PTPRT: variants seen among roughly 807,000 people sequenced by gnomAD.
PTPRT encodes protein tyrosine phosphatase receptor type T.
In PTPRT, 56 loss-of-function variants were observed where a neutral mutation model predicts 176.8. That is an observed-to-expected ratio of 0.32 (90% CI 0.26 to 0.40). The LOEUF (loss-of-function observed/expected upper bound fraction) is 0.40, where lower values mean the gene tolerates loss of function less well. PTPRT is among the 10% of genes least tolerant of loss of function. PTPRT has a pLI of 1.00. For synonymous variants in PTPRT, 783 were observed against 739.0 expected (o/e 1.06, Z -0.96); for missense variants, 1,540 against 1,908.2 (o/e 0.81, Z 3.60).
chr20:42,329,791 A>G (rs1224591888), intron 11 of PTPRT, among the ~76,000 whole-genome samples: 1 of 152,192 alleles, frequency 6.6e-6, no homozygotes, highest in Non-Finnish European at 1.5e-5. Flanking sequence ...TATCATTTCT[A>G]TATAAGCATG....
intron 7 of PTPRT, among the ~76,000 whole-genome samples, chr20:42,527,656 C>A (rs74585060): frequency 6.6e-6 from 1 of 152,156 alleles, no homozygotes; most frequent in African/African-American, 2.4e-5. Context: ...TGTTCCTCAC[C>A]TTTCTTAACA....
At chr20:42,823,638 C>T (rs1442760548) in intron 2 of PTPRT, among the ~76,000 whole-genome samples, 2 of 151,920 alleles carry the variant, frequency 1.3e-5, no homozygotes, top group Non-Finnish European at 2.9e-5. Context: ...CCATCTGAAG[C>T]CAAAGACAAC....
chr20:42,441,070 C>A (rs2059311862), intron 9 of PTPRT, among the ~76,000 whole-genome samples: 1 of 152,210 alleles, frequency 6.6e-6, no homozygotes, highest in African/African-American at 2.4e-5. Context: ...ACCAATCTGT[C>A]AAACCGTGGT....
intron 1 of PTPRT, among the ~76,000 whole-genome samples, chr20:43,133,210 AT>A (rs1269015743): frequency 6.6e-6 from 1 of 152,178 alleles, no homozygotes. Flanking sequence ...AGATTTGTGC[AT>A]TTATCATGCA....
intron 1 of PTPRT, among the ~76,000 whole-genome samples, chr20:43,008,093 T>C (rs1016808147): frequency 6.6e-6 from 1 of 152,232 alleles, no homozygotes; most frequent in African/African-American, 2.4e-5. Context: ...GAAATGGCCA[T>C]ACAGTCTTCA....
At chr20:42,335,378 G>T (rs1011025288) in intron 11 of PTPRT, among the ~76,000 whole-genome samples, 3 of 152,044 alleles carry the variant, frequency 2.0e-5, no homozygotes, top group Non-Finnish European at 1.5e-5. Flanking sequence ...TTAAATATTG[G>T]CTATGGAGGT....
chr20:42,696,952 GT>G (rs2075889474), intron 6 of PTPRT, among the ~76,000 whole-genome samples: 1 of 152,070 alleles, frequency 6.6e-6, no homozygotes, highest in Admixed American at 6.5e-5. Flanking sequence ...GATAATAAAT[GT>G]TTCTTAAGGC....
intron 6 of PTPRT, among the ~76,000 whole-genome samples, chr20:42,749,528 T>C (rs1442415450): frequency 6.6e-6 from 1 of 152,222 alleles, no homozygotes; most frequent in African/African-American, 2.4e-5. Context: ...CAAGCCTAGC[T>C]CTGCCACTTA....
the PTPRT span, among the ~76,000 whole-genome samples, chr20:42,041,130 C>T: frequency 4.6e-5 from 7 of 152,170 alleles, no homozygotes; most frequent in Admixed American, 1.3e-4. Context: ...GAGCAGCTTT[C>T]CTTCTTTAAC....
At chr20:42,513,736 C>T (rs775589584) in intron 7 of PTPRT, among the ~76,000 whole-genome samples, 2 of 152,148 alleles carry the variant, frequency 1.3e-5, no homozygotes, top group Non-Finnish European at 2.9e-5. Flanking sequence ...CACTTTGCTG[C>T]ACTCTTCTAA....
At chr20:42,654,235 G>A (rs2075083472) in intron 7 of PTPRT, among the ~76,000 whole-genome samples, 1 of 152,106 alleles carries the variant, frequency 6.6e-6, no homozygotes, top group Admixed American at 6.5e-5. Flanking sequence ...ACATGAAGTT[G>A]GTAATTAGCA....
intron 2 of PTPRT, among the ~76,000 whole-genome samples, chr20:42,810,673 G>A (rs1313359577): frequency 6.6e-6 from 1 of 152,182 alleles, no homozygotes; most frequent in Non-Finnish European, 1.5e-5. Context: ...AGATTCCTGT[G>A]GATTTAGGAT....
chr20:42,458,684 A>G (rs867795243), intron 8 of PTPRT, among the ~76,000 whole-genome samples: 6 of 152,160 alleles, frequency 3.9e-5, no homozygotes, highest in Middle Eastern at 3.2e-3. Context: ...AATCTGCTCT[A>G]TCCGAATGAT....
intron 9 of PTPRT, among the ~76,000 whole-genome samples, chr20:42,423,145 G>A (rs1327214426): frequency 2.0e-5 from 2 of 100,742 alleles, no homozygotes; most frequent in Non-Finnish European, 3.7e-5. Flanking sequence ...TAGCTCCCAT[G>A]AAAACCTTCA....
chr20:42,042,991 A>G, the PTPRT span, among the ~76,000 whole-genome samples: 1 of 152,226 alleles, frequency 6.6e-6, no homozygotes, highest in Non-Finnish European at 1.5e-5. Context: ...CGCTTTTTAG[A>G]GAGACTGATG....
Position 42,277,884 on chromosome 20 carries a change from T to TCATCCATCCATC in PTPRT, c.2176+4593_2176+4604dup, listed in dbSNP as rs60397646. ...GAATAATGACCTGTTAGTCATCCAC[T>TCATCCATCCATC]CATCCATCCATCCATCCATCCATCC... On this transcript the variant is annotated intron_variant, in intron 13 of 30. Coordinates refer to ENST00000373187, the MANE Select transcript of PTPRT (RefSeq NM_007050.6). 3.9e-3 allele frequency among the ~76,000 whole-genome samples: 552 copies of TCATCCATCCATC among 139,780 alleles called. 2 individuals are homozygous for TCATCCATCCATC. Among genetic ancestry groups the TCATCCATCCATC allele is most frequent in the East Asian group, 0.013 (57 of 4,532 alleles). The allele number at this position is 139,780 out of a possible 152,430, so 91.7% of individuals were successfully genotyped here. A position where few individuals can be genotyped will look rare whatever the true frequency, so the allele number is the denominator to read the frequency against.
At chr20:42,496,701 T>C (rs781177790) in intron 7 of PTPRT, among the ~76,000 whole-genome samples, 3 of 151,884 alleles carry the variant, frequency 2.0e-5, no homozygotes, top group Non-Finnish European at 4.4e-5. Context: ...GCTTCGGTCA[T>C]AAATTCTGTG....
rs1472417138 is a variant in PTPRT, at chr20:42,863,854, C to T, written c.214+21953G>A. ...ATATTGCTACCATATGATGTGACAT[C>T]TCTTTCAAGAGGAGATGACCCTGGG... On this transcript the variant is annotated intron_variant, in intron 2 of 30. Transcript: ENST00000373187. 2.6e-5 allele frequency among the ~76,000 whole-genome samples: 4 copies of T among 152,218 alleles called. 1 individual carries two copies. The highest frequency in any genetic ancestry group is 2.4e-5 in the African/African-American group (1 of 41,454).
intron 1 of PTPRT, among the ~76,000 whole-genome samples, chr20:43,062,845 G>T (rs1411187974): frequency 6.6e-6 from 1 of 152,184 alleles, no homozygotes; most frequent in Non-Finnish European, 1.5e-5. Context: ...GAGGGGAAAA[G>T]AATCCTGGAC....
Sources: allele counts gnomAD v4.1 joint callset (sites outside exome capture counted in the v4.1 genomes callset), GRCh38; gene constraint gnomAD v4.1.1; transcripts MANE v1.5; gene names NCBI Gene and HGNC (gene_info 2026-07-23, HGNC 2026-07-21).